Variants in ODAD4 observed in about 807,000 individuals in gnomAD.
ODAD4 encodes outer dynein arm docking complex subunit 4.
Under a neutral mutation model 51.8 loss-of-function variants are expected in ODAD4, and 49 were observed. The observed-to-expected ratio is 0.95, with a 90% confidence interval of 0.75 to 1.20. The LOEUF (loss-of-function observed/expected upper bound fraction) is 1.20. ODAD4 is among the 50% of genes most tolerant of loss of function. The pLI is 0.00. For missense variants in ODAD4, 590 were observed against 586.5 expected (o/e 1.01, Z -0.06); for synonymous variants, 235 against 221.3 (o/e 1.06, Z -0.55).
intron 7 of ODAD4, among the ~76,000 whole-genome samples, chr17:41,944,603 G>A (rs190136042): frequency 2.0e-5 from 3 of 151,750 alleles, no homozygotes; most frequent in African/African-American, 4.8e-5. Context: ...CAGCCTTTCC[G>A]ACATGGCGGC....
intron 5 of ODAD4, 62 bp from the exon 6 acceptor site, chr17:41,938,495 C>T: frequency 7.1e-7 from 1 of 1,415,526 alleles, no homozygotes; most frequent in East Asian, 2.3e-5. Context: ...CGGGAGGAAA[C>T]AGGAGGCAAA....
At chr17:41,952,203 C>G (rs1598085445) in intron 9 of ODAD4, among the ~76,000 whole-genome samples, 2 of 151,736 alleles carry the variant, frequency 1.3e-5, no homozygotes. Flanking sequence ...CCCATCTCTA[C>G]TAAAAATCCA....
chr17:41,941,062 G>A (rs1428904888), intron 7 of ODAD4, among the ~76,000 whole-genome samples: 5 of 152,170 alleles, frequency 3.3e-5, no homozygotes, highest in Admixed American at 6.5e-5. Flanking sequence ...GATGACAGGC[G>A]TGAGCCACTG....
intron 10 of ODAD4, 91 bp downstream of exon 10, chr17:41,955,408 T>A: frequency 1.5e-6 from 1 of 661,722 alleles, no homozygotes; most frequent in East Asian, 2.7e-5. Context: ...TGGGCGCCAT[T>A]CCACAGCCGT....
chr17:41,947,013 G>A (rs1017816812), intron 8 of ODAD4, among the ~76,000 whole-genome samples: 4 of 151,638 alleles, frequency 2.6e-5, no homozygotes, highest in African/African-American at 9.7e-5. Flanking sequence ...ACCACGCCTG[G>A]CTAATTTTGT....
chr17:41,937,740 G>A (rs1161598415), intron 5 of ODAD4, among the ~76,000 whole-genome samples: 1 of 151,900 alleles, frequency 6.6e-6, no homozygotes, highest in Non-Finnish European at 1.5e-5. Context: ...CCAAAGTGCT[G>A]GGATTACAGG....
chr17:41,939,828 G>A (rs2050482132), intron 7 of ODAD4, among the ~76,000 whole-genome samples: 2 of 152,140 alleles, frequency 1.3e-5, no homozygotes, highest in Non-Finnish European at 2.9e-5. Context: ...GTGGAGTCAG[G>A]CAGACCTAGG....
chr17:41,952,540 CAAAAAAAA>C (rs11369140), intron 9 of ODAD4: 73 of 112,486 alleles, frequency 6.5e-4, no homozygotes, highest in Admixed American at 1.1e-3. Context: ...ACCCTCACTC[CAAAAAAAA>C]AAAAAAAAAA....
intron 2 of ODAD4, 87 bp downstream of exon 2, chr17:41,935,435 G>A: frequency 1.9e-6 from 3 of 1,552,496 alleles, no homozygotes; most frequent in Non-Finnish European, 2.6e-6. Context: ...GAACCAGCCA[G>A]ACTGCCTAGT....
chr17:41,945,389 G>A, intron 8 of ODAD4, 167 bp downstream of exon 8: 1 of 607,930 alleles, frequency 1.6e-6, no homozygotes, highest in Non-Finnish European at 2.9e-6. Context: ...TCCTGTGCCT[G>A]TGGTCCCAGC....
In ODAD4 at chr17:41,965,854, A is replaced by G. The variant is rs2050877424; in HGVS notation, c.*371A>G. 6.6e-6 allele frequency among the ~76,000 whole-genome samples: 1 copy of G among 152,178 alleles called. No individual in the cohort carries two copies. The highest frequency in any genetic ancestry group is 2.4e-5 in the African/African-American group (1 of 41,444). On this transcript the variant is annotated 3_prime_UTR_variant, in exon 12 of 12. Coordinates refer to ENST00000377540, the MANE Select transcript of ODAD4 (RefSeq NM_031421.5). ...CACCGGTGACTGACTGAGTCCCTCC[A>G]GTGCGCAGGACAGCGGGGAGGCTTT...
intron 1 of ODAD4, among the ~76,000 whole-genome samples, chr17:41,931,909 T>TTTGTTGTTGTTGTTGTTGTTG (rs56275098): frequency 3.4e-5 from 5 of 149,126 alleles, no homozygotes; most frequent in African/African-American, 1.2e-4. Flanking sequence ...GGTGATGGTT[T>TTTGTTGTTGTTGTTGTTGTTG]TTGTTGTTGT....
intron 7 of ODAD4, among the ~76,000 whole-genome samples, chr17:41,939,624 A>G (rs182269220): frequency 9.2e-5 from 14 of 152,314 alleles, no homozygotes; most frequent in Admixed American, 2.6e-4. Context: ...GTGGTGAGAA[A>G]TACATTCCAG....
At chr17:41,945,753 T>A (rs2144511886) in intron 8 of ODAD4, among the ~76,000 whole-genome samples, 1 of 151,910 alleles carries the variant, frequency 6.6e-6, no homozygotes, top group Non-Finnish European at 1.5e-5. Context: ...ATACAAAAAT[T>A]AGCCGAACAC....
At chr17:41,957,844 G>A (rs1357358979) in intron 10 of ODAD4, among the ~76,000 whole-genome samples, 2 of 152,148 alleles carry the variant, frequency 1.3e-5, no homozygotes, top group Non-Finnish European at 2.9e-5. Flanking sequence ...ACAGTGCAGT[G>A]GTGTGACTAC....
intron 5 of ODAD4, among the ~76,000 whole-genome samples, chr17:41,937,297 A>C (rs548804708): frequency 2.5e-4 from 38 of 152,316 alleles, no homozygotes; most frequent in Middle Eastern, 3.4e-3. Flanking sequence ...AATCCAGCGG[A>C]TATGTGCTTA....
chr17:41,936,476 C>T lies in ODAD4; in HGVS notation c.401C>T (p.Pro134Leu). 1 of 1,612,736 alleles carries T rather than the reference C, an allele frequency of 6.2e-7. No homozygotes were observed. Among genetic ancestry groups the T allele is most frequent in the Non-Finnish European group, 8.5e-7 (1 of 1,179,314 alleles). The change falls in exon 4 of 12, where the codon CCT becomes CTT. Residue 134 changes from proline to leucine, a missense_variant. Physicochemically the swap from Pro to Leu is moderately conservative, Grantham distance 98. This residue lies in a region of ODAD4 where 360 missense variants were observed against 407.5 expected (regional missense o/e 0.88). Transcript: ENST00000377540. Reference protein sequence around the residue: ...QEAINNSVGSPSSIKLENKGD... With the variant: ...QEAINNSVGSLSSIKLENKGD... ...GCTCCAGCTTCTTTCCTTGCAGGTC[C>T]TTCTTCCATTAAGCTGGAGAACAAA...
intron 7 of ODAD4, among the ~76,000 whole-genome samples, chr17:41,941,896 A>G (rs570362464): frequency 8.3e-4 from 127 of 152,260 alleles, no homozygotes; most frequent in Non-Finnish European, 1.5e-3. Context: ...GGAAGGTGCT[A>G]TTCCCAGCAT....
At chr17:41,955,613 A>T (rs1245511843) in intron 10 of ODAD4, among the ~76,000 whole-genome samples, 1 of 151,970 alleles carries the variant, frequency 6.6e-6, no homozygotes, top group Non-Finnish European at 1.5e-5. Context: ...TTTTTAGTAG[A>T]GACAGGGTTT....
Sources: allele counts gnomAD v4.1 joint callset (sites outside exome capture counted in the v4.1 genomes callset), GRCh38; gene constraint gnomAD v4.1.1; regional missense constraint gnomAD v4.1.1; transcripts MANE v1.5; gene names NCBI Gene and HGNC (gene_info 2026-07-23, HGNC 2026-07-21).